The following CFAP299 variants were observed in gnomAD, a reference collection of about 807,000 sequenced individuals.
CFAP299 encodes cilia and flagella associated protein 299.
In CFAP299, 21 loss-of-function variants were observed where a neutral mutation model predicts 27.0. The observed-to-expected ratio is 0.78, with a 90% CI of 0.55 to 1.12. The LOEUF (loss-of-function observed/expected upper bound fraction) is 1.12. Among genes scored for constraint, CFAP299 ranks in the 50% most tolerant of loss-of-function variants. The probability of loss-of-function intolerance (pLI) is 0.00; values close to 1 mark genes in which losing one functional copy is unlikely to be tolerated. For synonymous variants in CFAP299, 104 were observed against 98.1 expected (o/e 1.06, Z -0.36); for missense variants, 310 against 276.6 (o/e 1.12, Z -0.86).
intron 2 of CFAP299, among the ~76,000 whole-genome samples, chr4:80,418,807 G>A (rs1182418947): frequency 6.6e-6 from 1 of 152,164 alleles, no homozygotes; most frequent in Non-Finnish European, 1.5e-5. Flanking sequence ...CATCAGTGTT[G>A]TCAGAAATGA....
chr4:80,734,781 G>A (rs1471951249), intron 3 of CFAP299, among the ~76,000 whole-genome samples: 1 of 152,086 alleles, frequency 6.6e-6, no homozygotes. Context: ...ACTGTAGTGT[G>A]TGGATTCCTT....
chr4:80,431,047 C>T (rs948202553), intron 2 of CFAP299, among the ~76,000 whole-genome samples: 14 of 152,220 alleles, frequency 9.2e-5, no homozygotes, highest in Admixed American at 2.6e-4. Flanking sequence ...TTACTGCCCT[C>T]TTCCTTCACA....
intron 2 of CFAP299, among the ~76,000 whole-genome samples, chr4:80,527,457 C>A (rs568934648): frequency 7.5e-4 from 114 of 152,190 alleles, no homozygotes; most frequent in African/African-American, 2.6e-3. Flanking sequence ...ATTAATCTTT[C>A]TAGAATATCA....
chr4:80,413,432 T>C (rs1333845135), intron 2 of CFAP299, among the ~76,000 whole-genome samples: 1 of 152,222 alleles, frequency 6.6e-6, no homozygotes, highest in African/African-American at 2.4e-5. Context: ...AGACAGAAAC[T>C]AACACCTGCA....
intron 4 of CFAP299, among the ~76,000 whole-genome samples, chr4:80,924,692 A>T (rs1395734382): frequency 6.6e-6 from 1 of 151,318 alleles, no homozygotes; most frequent in African/African-American, 2.4e-5. Context: ...CAAGGTGTAT[A>T]ACTTGTATTT....
intron 4 of CFAP299, among the ~76,000 whole-genome samples, chr4:80,894,732 C>T (rs35296051): frequency 0.079 from 11,948 of 151,922 alleles, 551 homozygotes; most frequent in Middle Eastern, 0.18. Context: ...AATATTTGAA[C>T]TCCTATGTTC....
chr4:80,574,752 G>A (rs1381201719), intron 2 of CFAP299, among the ~76,000 whole-genome samples: 1 of 152,132 alleles, frequency 6.6e-6, no homozygotes, highest in East Asian at 1.9e-4. Flanking sequence ...TTGATGTGAT[G>A]TGTCACATTA....
rs140350430 is a variant in CFAP299 at position 80,932,206 on chromosome 4, T to G, written c.477-12604T>G. Among the ~76,000 whole-genome samples the G allele has an allele frequency of 4.1e-3, 617 of 152,304 alleles. 1 individual carries two copies. The highest frequency in any genetic ancestry group is 0.014 in the Middle Eastern group (4 of 294). Reference sequence around the variant, plus strand: ...AACTAAATGACCTAATGAACTAAATTAACCTTCTGACTGTGCCATAACTCT... The same window carrying G: ...AACTAAATGACCTAATGAACTAAATGAACCTTCTGACTGTGCCATAACTCT... On this transcript the variant is annotated intron_variant, in intron 4 of 5. Coordinates refer to ENST00000358105, the MANE Select transcript of CFAP299 (RefSeq NM_152770.3).
chr4:80,647,813 C>G (rs377180936), intron 3 of CFAP299, among the ~76,000 whole-genome samples: 15 of 152,304 alleles, frequency 9.8e-5, no homozygotes, highest in African/African-American at 3.6e-4. Flanking sequence ...GTGGCTCATG[C>G]CTGTACTCCC....
At chr4:80,419,284 C>T (rs769781125) in intron 2 of CFAP299, among the ~76,000 whole-genome samples, 2 of 152,172 alleles carry the variant, frequency 1.3e-5, no homozygotes, top group Non-Finnish European at 2.9e-5. Flanking sequence ...TGGGGTCTTG[C>T]GTTCCTTCTC....
intron 3 of CFAP299, among the ~76,000 whole-genome samples, chr4:80,832,698 A>G (rs1311865503): frequency 6.6e-6 from 1 of 152,106 alleles, no homozygotes; most frequent in African/African-American, 2.4e-5. Flanking sequence ...TATAGCGTTT[A>G]TTATCACAAA....
At chr4:80,557,955 C>G (rs79428641) in intron 2 of CFAP299, among the ~76,000 whole-genome samples, 6,087 of 152,110 alleles carry the variant, frequency 0.04, 357 homozygotes, top group African/African-American at 0.13. Flanking sequence ...ATTTTGTTTT[C>G]AAGTGCACAC....
At chr4:80,579,024 GT>G (rs1189799228) in intron 2 of CFAP299, among the ~76,000 whole-genome samples, 12 of 152,090 alleles carry the variant, frequency 7.9e-5, no homozygotes, top group Admixed American at 7.9e-4. Context: ...GATTAGGTGG[GT>G]AAAAAAGTAA....
intron 2 of CFAP299, among the ~76,000 whole-genome samples, chr4:80,402,613 G>A (rs1726220084): frequency 6.6e-6 from 1 of 152,134 alleles, no homozygotes; most frequent in African/African-American, 2.4e-5. Flanking sequence ...TCAGCAGCAT[G>A]AAAACAAACT....
At chr4:80,428,388 C>T (rs950569972) in intron 2 of CFAP299, among the ~76,000 whole-genome samples, 2 of 152,134 alleles carry the variant, frequency 1.3e-5, no homozygotes, top group Non-Finnish European at 2.9e-5. Context: ...GCACCTCCAC[C>T]TTAGTAGCAG....
chr4:80,791,466 G>A (rs79696129), intron 3 of CFAP299, among the ~76,000 whole-genome samples: 2,284 of 152,100 alleles, frequency 0.015, 39 homozygotes, highest in Middle Eastern at 0.024. Flanking sequence ...TTATACATAG[G>A]AGGCCCTTAA....
At chr4:80,425,848 A>G (rs1727504688) in intron 2 of CFAP299, among the ~76,000 whole-genome samples, 1 of 152,204 alleles carries the variant, frequency 6.6e-6, no homozygotes, top group Non-Finnish European at 1.5e-5. Context: ...ACACTGGGGA[A>G]TGATTATAGT....
At chr4:80,937,298 C>CTTTTTTTTTTTTTTTTTTTTTTTT (rs1203322592) in intron 4 of CFAP299, among the ~76,000 whole-genome samples, 4 of 94,358 alleles carry the variant, frequency 4.2e-5, no homozygotes, top group South Asian at 3.7e-4. Flanking sequence ...TTTCTTTTTT[C>CTTTTTTTTTTTTTTTTTTTTTTTT]TTTTTTTTTC....
At chr4:80,419,374 TTG>T (rs1346619583) in intron 2 of CFAP299, among the ~76,000 whole-genome samples, 1 of 152,166 alleles carries the variant, frequency 6.6e-6, no homozygotes, top group Non-Finnish European at 1.5e-5. Context: ...TGCATGAGCA[TTG>T]TGTTTACTGG....
Sources: gnomAD v4.1 joint callset for allele counts (sites outside exome capture counted in the v4.1 genomes callset) on GRCh38, gnomAD v4.1.1 for gene constraint, MANE v1.5 for transcripts, NCBI Gene and HGNC (gene_info 2026-07-23, HGNC 2026-07-21) for gene names.